The following LAMA2 variants were observed in gnomAD, a reference collection of about 807,000 sequenced individuals.
The protein encoded by LAMA2 is laminin subunit alpha-2.
LAMA2 carries 269 observed loss-of-function variants against 364.8 expected under a neutral mutation model. The observed-to-expected ratio is 0.74, with a 90% confidence interval of 0.67 to 0.82. The LOEUF (loss-of-function observed/expected upper bound fraction) is 0.82, where lower values mean the gene tolerates loss of function less well. LAMA2 is among the 40% of genes least tolerant of loss of function. The pLI is 0.00. For missense variants in LAMA2, 3,807 were observed against 3,873.2 expected (o/e 0.98, Z 0.45); for synonymous variants, 1,379 against 1,370.6 (o/e 1.01, Z -0.14).
intron 7 of LAMA2, among the ~76,000 whole-genome samples, chr6:129,153,384 G>A (rs1343400165): frequency 2.0e-5 from 3 of 152,180 alleles, no homozygotes; most frequent in African/African-American, 7.2e-5. Flanking sequence ...CTAAGTAGAG[G>A]AGAGCACACC....
chr6:129,304,594 T>G (rs1317246865), intron 22 of LAMA2, among the ~76,000 whole-genome samples: 2 of 152,260 alleles, frequency 1.3e-5, no homozygotes, highest in Non-Finnish European at 2.9e-5. Flanking sequence ...AGGTGAAACC[T>G]TAGATCATTG....
rs117311536 is a variant in LAMA2, at chr6:129,334,986, G to C, written c.4311+6574G>C. On this transcript the variant is annotated intron_variant, in intron 29 of 64. Transcript: ENST00000421865. ...CATAGCAAGCCTTAACCCCCAACATGATGATATTTGGAGATGGGCACTCAC... is the reference window on the plus strand; with the variant it reads ...CATAGCAAGCCTTAACCCCCAACATCATGATATTTGGAGATGGGCACTCAC... 2.4e-4 allele frequency among the ~76,000 whole-genome samples: 36 copies of C among 152,292 alleles called. No individual in the cohort carries two copies. The East Asian group carries it at 6.8e-3, about 29-fold the overall frequency.
At chr6:129,024,321 G>A (rs968891720) in intron 1 of LAMA2, among the ~76,000 whole-genome samples, 3 of 150,202 alleles carry the variant, frequency 2.0e-5, no homozygotes, top group African/African-American at 7.3e-5. Context: ...AGGAAACAGA[G>A]TTATGTCCAA....
chr6:128,899,630 T>C (rs538683200), intron 1 of LAMA2, among the ~76,000 whole-genome samples: 2 of 152,316 alleles, frequency 1.3e-5, no homozygotes, highest in South Asian at 4.1e-4. Context: ...TTTTATAGTA[T>C]GAATGAATGT....
intron 1 of LAMA2, among the ~76,000 whole-genome samples, chr6:128,974,853 A>ATT (rs34727721): frequency 0.022 from 3,082 of 143,118 alleles, 116 homozygotes; most frequent in African/African-American, 0.075. Flanking sequence ...ATGAGTAACA[A>ATT]TTTTTTTTTT....
intron 1 of LAMA2, among the ~76,000 whole-genome samples, chr6:128,900,648 C>T (rs2114414748): frequency 6.6e-6 from 1 of 152,224 alleles, no homozygotes; most frequent in South Asian, 2.1e-4. Flanking sequence ...ACAGGATGTT[C>T]CAATTAAATA....
chr6:128,921,797 G>A lies in LAMA2; in HGVS notation c.112+38440G>A, dbSNP rs142868189. ...ATGTATACATGTGTCATGCTTGTGC[G>A]CTGCACCCACTAACTCGTCATCTAG... On this transcript the variant is annotated intron_variant, in intron 1 of 64. Coordinates refer to ENST00000421865, the MANE Select transcript of LAMA2 (RefSeq NM_000426.4). Among the ~76,000 whole-genome samples, 800 of 150,544 alleles carry A rather than the reference G, an allele frequency of 5.3e-3. 8 individuals are homozygous for A. The highest frequency in any genetic ancestry group is 0.019 in the African/African-American group (761 of 40,654).
intron 9 of LAMA2, among the ~76,000 whole-genome samples, chr6:129,170,967 G>A (rs1174862441): frequency 3.3e-5 from 5 of 151,292 alleles, no homozygotes; most frequent in African/African-American, 9.7e-5. Context: ...TTGGTTTAAA[G>A]TCTGTTTTAT....
chr6:129,069,813 TAAA>T (rs757717340), intron 3 of LAMA2, among the ~76,000 whole-genome samples: 94 of 147,720 alleles, frequency 6.4e-4, no homozygotes, highest in Non-Finnish European at 1.2e-3. Flanking sequence ...AAAAATGTGA[TAAA>T]TAATATTGTA....
At chr6:129,385,936 T>C (rs528522912) in intron 35 of LAMA2, among the ~76,000 whole-genome samples, 2 of 152,308 alleles carry the variant, frequency 1.3e-5, no homozygotes, top group African/African-American at 4.8e-5. Flanking sequence ...ATAGATACTG[T>C]ATGCCTCTTA....
In LAMA2 at chr6:128,957,439, C is replaced by A. The variant is rs186575256; in HGVS notation, c.112+74082C>A. Among the ~76,000 whole-genome samples, 556 of 152,072 alleles carry A rather than the reference C, an allele frequency of 3.7e-3. 2 individuals are homozygous for A. The highest frequency in any genetic ancestry group is 0.012 in the African/African-American group (480 of 41,504). ...TCAATTTCAAGTGTGTTCTTTTATT[C>A]TTTTTCTTTTTTCTTTAATTTTTCC... On this transcript the variant is annotated intron_variant, in intron 1 of 64. Coordinates refer to ENST00000421865, the MANE Select transcript of LAMA2 (RefSeq NM_000426.4).
At chr6:129,436,400 T>G (rs1389104154) in intron 41 of LAMA2, among the ~76,000 whole-genome samples, 1 of 152,218 alleles carries the variant, frequency 6.6e-6, no homozygotes, top group Non-Finnish European at 1.5e-5. Context: ...CCATATCCGC[T>G]CATCTACTTC....
intron 64 of LAMA2, among the ~76,000 whole-genome samples, chr6:129,515,483 G>T (rs1267283524): frequency 6.6e-6 from 1 of 152,096 alleles, no homozygotes; most frequent in East Asian, 1.9e-4. Context: ...ATGATAATGG[G>T]ATCCTAATTA....
At chr6:129,380,683 G>T (rs1309162091) in intron 34 of LAMA2, among the ~76,000 whole-genome samples, 1 of 152,144 alleles carries the variant, frequency 6.6e-6, no homozygotes, top group Non-Finnish European at 1.5e-5. Context: ...AAGACAATGG[G>T]ATACAAGAAG....
chr6:129,377,599 T>C (rs1778446719), intron 34 of LAMA2, among the ~76,000 whole-genome samples: 1 of 152,204 alleles, frequency 6.6e-6, no homozygotes, highest in Admixed American at 6.5e-5. Context: ...ATGGAGCTGG[T>C]AATATTGGAA....
chr6:128,961,286 A>T (rs909179930), intron 1 of LAMA2, among the ~76,000 whole-genome samples: 6 of 119,300 alleles, frequency 5.0e-5, no homozygotes, highest in African/African-American at 8.8e-5. Flanking sequence ...AGAGAATTGT[A>T]TTAGGGTTCT....
intron 1 of LAMA2, among the ~76,000 whole-genome samples, chr6:128,996,694 C>A (rs1783963004): frequency 6.6e-6 from 1 of 152,206 alleles, no homozygotes; most frequent in African/African-American, 2.4e-5. Context: ...TAAATTAGTT[C>A]AGACATTCTG....
chr6:129,326,452 G>C (rs1583499451), intron 28 of LAMA2, among the ~76,000 whole-genome samples: 1 of 151,958 alleles, frequency 6.6e-6, no homozygotes, highest in South Asian at 2.1e-4. Context: ...ACGCTAAACT[G>C]TACAATTCCT....
At chr6:129,202,014 C>A (rs1388651775) in intron 12 of LAMA2, among the ~76,000 whole-genome samples, 1 of 151,418 alleles carries the variant, frequency 6.6e-6, no homozygotes, top group Non-Finnish European at 1.5e-5. Flanking sequence ...ATGGTGAAAC[C>A]CCATCTCTAC....
Sources: gnomAD v4.1 joint callset for allele counts (sites outside exome capture counted in the v4.1 genomes callset) on GRCh38, gnomAD v4.1.1 for gene constraint, MANE v1.5 for transcripts, NCBI Gene and HGNC (gene_info 2026-07-23, HGNC 2026-07-21) for gene names.